GLRA2: variants seen among roughly 807,000 people sequenced by gnomAD.
GLRA2 encodes the protein glycine receptor alpha 2, also known as glycine receptor subunit alpha-2.
GLRA2 carries 11 observed loss-of-function variants against 31.6 expected under a neutral mutation model. The ratio of observed to expected loss-of-function variants is 0.35; its 90% CI spans 0.22 to 0.58. GLRA2 has a LOEUF of 0.58. Among genes scored for constraint, GLRA2 ranks in the 20% least tolerant of loss-of-function variants. GLRA2 has a pLI of 0.84. For missense variants in GLRA2, 212 were observed against 351.8 expected (o/e 0.60, Z 3.18); for synonymous variants, 132 against 134.0 (o/e 0.99, Z 0.10).
chrX:14,534,209 C>T (rs1333496469), intron 2 of GLRA2, among the ~76,000 whole-genome samples: 4 of 93,754 alleles, frequency 4.3e-5, no homozygotes, highest in Admixed American at 3.3e-4. Flanking sequence ...CAAAGTGTGG[C>T]CATGTTTTTT....
intron 4 of GLRA2, among the ~76,000 whole-genome samples, chrX:14,600,666 CTTA>C (rs1047266175): frequency 1.5e-4 from 17 of 110,615 alleles, no homozygotes; most frequent in African/African-American, 5.6e-4. Flanking sequence ...CCCTCAAATA[CTTA>C]TTATTTTTTT....
rs1195071651 is a variant in GLRA2, at chrX:14,581,355, A to T, written c.443A>T (p.Asp148Val). 1 of 1,206,154 alleles carries T rather than the reference A, an allele frequency of 8.3e-7. No homozygotes were observed. Among genetic ancestry groups the T allele is most frequent in the Admixed American group, 2.2e-5 (1 of 46,047 alleles). Residue 148 changes from aspartate to valine, a missense_variant, in exon 4 of 9, where the codon GAC becomes GTC. Around this residue, in one of 5 missense-constraint regions of GLRA2, gnomAD observed 110 missense variants for 232.6 expected, o/e 0.47. Coordinates refer to ENST00000218075, the MANE Select transcript of GLRA2 (RefSeq NM_002063.4). Reference protein sequence around the residue: ...KGANFHDVTTDNKLLRISKNG... With the variant: ...KGANFHDVTTVNKLLRISKNG... ...GCCAACTTCCACGATGTCACCACTGACAACAAATTGCTACGGATTTCGAAA... is the reference window on the plus strand; with the variant it reads ...GCCAACTTCCACGATGTCACCACTGTCAACAAATTGCTACGGATTTCGAAA...
At chrX:14,654,193 C>A (rs2090917996) in intron 7 of GLRA2, among the ~76,000 whole-genome samples, 1 of 111,359 alleles carries the variant, frequency 9.0e-6, no homozygotes, top group Admixed American at 9.5e-5. Flanking sequence ...CAACCACCAC[C>A]CTAAGCAGTC....
chrX:14,686,931 G>A (rs2091285158), intron 7 of GLRA2, among the ~76,000 whole-genome samples: 1 of 111,847 alleles, frequency 8.9e-6, no homozygotes, highest in South Asian at 3.7e-4. Flanking sequence ...TGTTTTTGCA[G>A]TGGCTGGTAC....
upstream of GLRA2, among the ~76,000 whole-genome samples, chrX:14,525,501 C>T (rs763875327): frequency 1.8e-5 from 2 of 111,311 alleles, no homozygotes; most frequent in African/African-American, 6.5e-5. Context: ...TCTGATTTCA[C>T]GTGATTTTCA....
At chrX:14,640,762 G>A (rs1601792364) in intron 7 of GLRA2, among the ~76,000 whole-genome samples, 3 of 110,976 alleles carry the variant, frequency 2.7e-5, no homozygotes, top group Non-Finnish European at 3.8e-5. Flanking sequence ...TTTGTTGTCC[G>A]TTCTCCTGTT....
chrX:14,673,271 G>A (rs2091112610), intron 7 of GLRA2, among the ~76,000 whole-genome samples: 1 of 111,372 alleles, frequency 9.0e-6, no homozygotes, highest in Non-Finnish European at 1.9e-5. Flanking sequence ...TAGGTATTCT[G>A]AGGAAATGAT....
chrX:14,479,150 A>C, the GLRA2 span, among the ~76,000 whole-genome samples: 1 of 111,370 alleles, frequency 9.0e-6, no homozygotes, highest in East Asian at 2.8e-4. Context: ...GTAACACTGA[A>C]CTGTGCTTTG....
chrX:14,673,332 T>C lies in GLRA2; in HGVS notation c.931-17378T>C, dbSNP rs185241416. Among the ~76,000 whole-genome samples the C allele has an allele frequency of 8.9e-5, 10 of 111,958 alleles. No homozygotes were observed. The East Asian group carries it at 2.8e-3, about 31-fold the overall frequency. On this transcript the variant is annotated intron_variant, in intron 7 of 8. Transcript: ENST00000218075. ...GGCTTCTAAGACTGCCTCTATTTTG[T>C]ACTCCAGAATCACCCATTCCCTACA...
At chrX:14,475,537 A>G in the GLRA2 span, among the ~76,000 whole-genome samples, 1 of 111,858 alleles carries the variant, frequency 8.9e-6, no homozygotes, top group Non-Finnish European at 1.9e-5. Flanking sequence ...CTAGTGTACC[A>G]AAATCTCTGC....
At chrX:14,521,989 A>G in the GLRA2 span, among the ~76,000 whole-genome samples, 8 of 111,922 alleles carry the variant, frequency 7.1e-5, no homozygotes, top group African/African-American at 2.3e-4. Flanking sequence ...TGGCTGTGAC[A>G]GTTTCTTAAA....
the GLRA2 span, among the ~76,000 whole-genome samples, chrX:14,466,995 T>A: frequency 8.9e-6 from 1 of 112,036 alleles, no homozygotes. Flanking sequence ...GATTCTGACC[T>A]GTGCTGCCCA....
intron 7 of GLRA2, among the ~76,000 whole-genome samples, chrX:14,629,126 C>A (rs1281032070): frequency 2.7e-5 from 3 of 111,717 alleles, no homozygotes; most frequent in African/African-American, 6.5e-5. Context: ...AAGCCAACTA[C>A]TGAAGACACA....
At chrX:14,683,483 C>T (rs1371550924) in intron 7 of GLRA2, among the ~76,000 whole-genome samples, 1 of 110,797 alleles carries the variant, frequency 9.0e-6, no homozygotes, top group African/African-American at 3.3e-5. Flanking sequence ...AAAATTTTCT[C>T]CCATTCTGTA....
At chrX:14,459,015 T>G in the GLRA2 span, among the ~76,000 whole-genome samples, 1 of 112,022 alleles carries the variant, frequency 8.9e-6, no homozygotes, top group Non-Finnish European at 1.9e-5. Flanking sequence ...GGTCTAACAT[T>G]TAAGTCTTTA....
the GLRA2 span, among the ~76,000 whole-genome samples, chrX:14,502,049 T>C: frequency 8.9e-6 from 1 of 111,869 alleles, no homozygotes; most frequent in Non-Finnish European, 1.9e-5. Context: ...TTAAGTACTT[T>C]TTAAAAACCC....
chrX:14,449,139 A>G, the GLRA2 span, among the ~76,000 whole-genome samples: 2 of 112,033 alleles, frequency 1.8e-5, no homozygotes, highest in Non-Finnish European at 3.8e-5. Flanking sequence ...AAACCATCAC[A>G]CTTCAAACAG....
In GLRA2 at chrX:14,726,160, T is replaced by C. The variant is rs754561989; in HGVS notation, c.1081-4047T>C. ...GGCTACAGATTGTTCTTTATTTTAG[T>C]TTCAGTTTATCCATGACTCAAGCTC... On this transcript the variant is annotated intron_variant, in intron 8 of 8. Transcript: ENST00000218075. Among the ~76,000 whole-genome samples, 15 of 112,383 alleles carry C rather than the reference T, an allele frequency of 1.3e-4. No individual in the cohort carries two copies. The South Asian group carries it at 5.1e-3, about 38-fold the overall frequency.
At chrX:14,589,528 G>A (rs944946487) in intron 4 of GLRA2, among the ~76,000 whole-genome samples, 40 of 104,741 alleles carry the variant, frequency 3.8e-4, no homozygotes, top group African/African-American at 1.3e-3. Context: ...AAAATTAGCC[G>A]GGCATGGTGT....
Sources: gnomAD v4.1 joint callset for allele counts (sites outside exome capture counted in the v4.1 genomes callset) on GRCh38, gnomAD v4.1.1 for gene constraint, gnomAD v4.1.1 regional missense constraint, MANE v1.5 for transcripts, NCBI Gene and HGNC (gene_info 2026-07-23, HGNC 2026-07-21) for gene names.